The following NFX1 variants were observed in gnomAD, a reference collection of about 807,000 sequenced individuals.
NFX1 encodes the protein nuclear transcription factor, X-box binding 1.
Under a neutral mutation model 137.2 loss-of-function variants are expected in NFX1, and 69 were observed. That is an observed-to-expected ratio of 0.50 (90% CI 0.41 to 0.61). The LOEUF (loss-of-function observed/expected upper bound fraction) is 0.61, where lower values mean the gene tolerates loss of function less well. Among genes scored for constraint, NFX1 ranks in the 20% least tolerant of loss-of-function variants. The pLI, the probability that NFX1 is intolerant of heterozygous loss-of-function variation, is 0.00. For missense variants in NFX1, 1,167 were observed against 1,391.0 expected (o/e 0.84, Z 2.56); for synonymous variants, 495 against 474.1 (o/e 1.04, Z -0.57).
chr9:33,332,567 A>G, intron 11 of NFX1, 65 bp downstream of exon 11: 1 of 1,235,534 alleles, frequency 8.1e-7, no homozygotes, highest in Non-Finnish European at 1.2e-6. Flanking sequence ...GAATCTTGTT[A>G]GGGAGTTGGG....
At chr9:33,305,848 C>T (rs1821734608) in intron 4 of NFX1, among the ~76,000 whole-genome samples, 1 of 152,128 alleles carries the variant, frequency 6.6e-6, no homozygotes, top group African/African-American at 2.4e-5. Flanking sequence ...ATATGTCCAA[C>T]AGGCAGGTAG....
rs552652103 is a variant in NFX1 at position 33,295,502 on chromosome 9, A to G, written c.1033+75A>G. 1.4e-4 allele frequency: 197 copies of G among 1,421,996 alleles called. No individual in the cohort carries two copies. In the East Asian group the frequency reaches 4.5e-3, roughly 33 times the overall value. The allele number at this position is 1,421,996 out of a possible 1,614,324, so 88.1% of individuals were successfully genotyped here. On this transcript the variant is annotated intron_variant, in intron 2 of 23. Transcript: ENST00000379540. ...TTTAAATAAGTCATATATTCACATA[A>G]TTTAGAAAGCAGAAAGTATGGAAAG...
chr9:33,364,446 T>G (rs1824109869), intron 20 of NFX1, among the ~76,000 whole-genome samples: 1 of 152,176 alleles, frequency 6.6e-6, no homozygotes, highest in African/African-American at 2.4e-5. Context: ...ACATGCGTTC[T>G]CAGTTGGAGC....
At chr9:33,295,449 A>T in intron 2 of NFX1, 22 bp downstream of exon 2, 1 of 1,575,340 alleles carries the variant, frequency 6.3e-7, no homozygotes, top group South Asian at 1.2e-5. Flanking sequence ...TAGATAGGAA[A>T]TATTTTGTTG....
At chr9:33,359,947 A>G (rs1823936768) in intron 19 of NFX1, among the ~76,000 whole-genome samples, 1 of 152,230 alleles carries the variant, frequency 6.6e-6, no homozygotes, top group African/African-American at 2.4e-5. Flanking sequence ...AGCAATTTTA[A>G]TAGTACCTCT....
intron 19 of NFX1, among the ~76,000 whole-genome samples, chr9:33,355,364 GTACTC>G (rs1171983091): frequency 6.6e-6 from 1 of 152,122 alleles, no homozygotes; most frequent in Non-Finnish European, 1.5e-5. Context: ...ACCGTCTCTT[GTACTC>G]TACATAAAGG....
intron 11 of NFX1, 143 bp from the exon 12 acceptor site, chr9:33,338,366 CA>C: frequency 1.3e-6 from 1 of 747,124 alleles, no homozygotes; most frequent in Non-Finnish European, 2.1e-6. Context: ...AAAAACAAAA[CA>C]AAACAAAAAA....
intron 3 of NFX1, among the ~76,000 whole-genome samples, chr9:33,301,939 G>T (rs561456525): frequency 6.6e-6 from 1 of 152,302 alleles, no homozygotes; most frequent in African/African-American, 2.4e-5. Context: ...AGGCGTGGTG[G>T]CGGGCACCTG....
rs764343913 is a variant in NFX1 at position 33,342,887 on chromosome 9, AG to A, written c.2224+34del. On this transcript the variant is annotated intron_variant, in intron 13 of 23. Transcript: ENST00000379540. The stretch of plus-strand genomic sequence containing the variant: ...TCTTTACTGTATAGTTTATTAGAAG[AG>A]TTTTTTAGAAATTCAGACATAATAT... 14 of 1,411,520 alleles carry A rather than the reference AG, an allele frequency of 9.9e-6. No individual in the cohort carries two copies. In the South Asian group the frequency reaches 1.7e-4, roughly 17 times the overall value. The allele number at this position is 1,411,520 out of a possible 1,614,324, so 87.4% of individuals were successfully genotyped here. A position where few individuals can be genotyped will look rare whatever the true frequency, so the allele number is the denominator to read the frequency against.
intron 17 of NFX1, among the ~76,000 whole-genome samples, chr9:33,353,347 A>G (rs12344796): frequency 0.046 from 7,060 of 152,258 alleles, 476 homozygotes; most frequent in African/African-American, 0.15. Flanking sequence ...GTATCTCTGC[A>G]GCCTCCTGAA....
At chr9:33,367,681 A>T in intron 23 of NFX1, 62 bp downstream of exon 23, 1 of 1,521,772 alleles carries the variant, frequency 6.6e-7, no homozygotes, top group Non-Finnish European at 9.1e-7. Flanking sequence ...GCAGGGGCTG[A>T]ATTGTCCTGA....
At chr9:33,308,216 A>G (rs1821830825) in intron 5 of NFX1, among the ~76,000 whole-genome samples, 1 of 152,152 alleles carries the variant, frequency 6.6e-6, no homozygotes, top group African/African-American at 2.4e-5. Context: ...CCAAGGCAGG[A>G]GGATTGCTTG....
intron 19 of NFX1, among the ~76,000 whole-genome samples, chr9:33,363,263 G>GTATTAT (rs60988084): frequency 0.045 from 6,450 of 144,774 alleles, 206 homozygotes; most frequent in East Asian, 0.12. Flanking sequence ...ATAAAGAAAT[G>GTATTAT]TATTATTATT....
intron 15 of NFX1, among the ~76,000 whole-genome samples, chr9:33,350,817 C>T (rs1433996278): frequency 6.6e-6 from 1 of 152,072 alleles, no homozygotes; most frequent in Non-Finnish European, 1.5e-5. Flanking sequence ...ATAGTGAGAC[C>T]CTGTCTCTAA....
At chr9:33,306,338 A>G (rs12342874) in intron 4 of NFX1, among the ~76,000 whole-genome samples, 7,189 of 152,270 alleles carry the variant, frequency 0.047, 530 homozygotes, top group African/African-American at 0.16. Context: ...GTGAACTTTG[A>G]CTGTGGATAA....
intron 5 of NFX1, 38 bp downstream of exon 5, chr9:33,307,337 G>A (rs752962173): frequency 1.9e-6 from 3 of 1,557,288 alleles, no homozygotes; most frequent in Non-Finnish European, 1.8e-6. Context: ...ATTGCTGGTG[G>A]ACATGCTTTG....
chr9:33,333,149 T>C (rs1822874495), intron 11 of NFX1, among the ~76,000 whole-genome samples: 1 of 152,168 alleles, frequency 6.6e-6, no homozygotes, highest in East Asian at 1.9e-4. Context: ...CCGGCCTCGA[T>C]TCCTGTTTTT....
chr9:33,356,783 A>G (rs1823823662), intron 19 of NFX1, among the ~76,000 whole-genome samples: 1 of 152,068 alleles, frequency 6.6e-6, no homozygotes, highest in Non-Finnish European at 1.5e-5. Flanking sequence ...TCTGTCATAC[A>G]TCACATATAA....
At chr9:33,352,801 AG>A in intron 17 of NFX1, 82 bp downstream of exon 17, 1 of 1,135,088 alleles carries the variant, frequency 8.8e-7, no homozygotes, top group Admixed American at 1.9e-5. Context: ...AAGCTAGTCA[AG>A]TGAAGCAGTG....
Sources: allele counts gnomAD v4.1 joint callset (sites outside exome capture counted in the v4.1 genomes callset), GRCh38; gene constraint gnomAD v4.1.1; transcripts MANE v1.5; gene names NCBI Gene and HGNC (gene_info 2026-07-23, HGNC 2026-07-21).